The following HTR2C variants were observed in gnomAD, a reference collection of about 807,000 sequenced individuals.
HTR2C encodes the protein 5-hydroxytryptamine (serotonin) receptor 2C, G protein-coupled.
In HTR2C, 5 loss-of-function variants were observed where a neutral mutation model predicts 21.0. The ratio of observed to expected loss-of-function variants is 0.24; its 90% CI spans 0.12 to 0.50. HTR2C has a LOEUF of 0.50. Ranked by LOEUF, HTR2C falls within the 20% of genes least tolerant of loss-of-function variation. HTR2C has a pLI of 0.98. For synonymous variants in HTR2C, 150 were observed against 145.3 expected (o/e 1.03, Z -0.23); for missense variants, 271 against 371.2 (o/e 0.73, Z 2.22).
chrX:114,777,748 G>C (rs183357248), intron 4 of HTR2C, among the ~76,000 whole-genome samples: 132 of 110,981 alleles, frequency 1.2e-3, no homozygotes, highest in African/African-American at 4.1e-3. Flanking sequence ...AGTAGAGACA[G>C]GGTTTCCCTG....
At chrX:114,815,601 T>G (rs1424619337) in intron 4 of HTR2C, among the ~76,000 whole-genome samples, 1 of 111,680 alleles carries the variant, frequency 9.0e-6, no homozygotes. Context: ...AATATCTTGA[T>G]GACCTCCAAC....
At chrX:114,704,918 C>T (rs1386145894) in intron 2 of HTR2C, among the ~76,000 whole-genome samples, 2 of 107,156 alleles carry the variant, frequency 1.9e-5, no homozygotes, top group Non-Finnish European at 3.9e-5. Context: ...CAATAACAGA[C>T]AAACGGAGAG....
At chrX:114,774,798 G>A (rs2070040082) in intron 4 of HTR2C, 3 of 398,565 alleles carry the variant, frequency 7.5e-6, no homozygotes, top group Non-Finnish European at 9.0e-6. Context: ...TAAATGTGTG[G>A]AACAATGCTA....
At chrX:114,736,100 G>A (rs1398784242) in intron 4 of HTR2C, among the ~76,000 whole-genome samples, 1 of 108,063 alleles carries the variant, frequency 9.3e-6, no homozygotes, top group Non-Finnish European at 1.9e-5. Flanking sequence ...GCGGCAGAGC[G>A]AGACTCTATT....
chrX:114,730,985 C>T (rs1338779638), intron 3 of HTR2C, among the ~76,000 whole-genome samples: 1 of 111,248 alleles, frequency 9.0e-6, no homozygotes, highest in African/African-American at 3.3e-5. Flanking sequence ...TTCTCATCTA[C>T]GTGATGGATA....
chrX:114,746,262 C>A (rs1488928023), intron 4 of HTR2C, among the ~76,000 whole-genome samples: 1 of 111,639 alleles, frequency 9.0e-6, no homozygotes, highest in East Asian at 2.8e-4. Flanking sequence ...ACATTTATAT[C>A]ATGTTATGAG....
intron 2 of HTR2C, among the ~76,000 whole-genome samples, chrX:114,662,589 A>G (rs972840807): frequency 8.9e-6 from 1 of 111,962 alleles, no homozygotes; most frequent in African/African-American, 3.2e-5. Flanking sequence ...CAAGGGTTTT[A>G]CAATACAATG....
At chrX:114,611,444 C>A (rs1928729010) in intron 1 of HTR2C, among the ~76,000 whole-genome samples, 1 of 112,212 alleles carries the variant, frequency 8.9e-6, no homozygotes, top group South Asian at 3.6e-4. Flanking sequence ...CTCATCATTG[C>A]TCCAAGATTG....
intron 2 of HTR2C, among the ~76,000 whole-genome samples, chrX:114,699,497 G>C (rs1556416347): frequency 8.9e-6 from 1 of 111,900 alleles, no homozygotes; most frequent in African/African-American, 3.3e-5. Context: ...CTAATACCAT[G>C]TCACCAGCAC....
At chrX:114,682,097 G>T (rs1198828561) in intron 2 of HTR2C, among the ~76,000 whole-genome samples, 1 of 111,086 alleles carries the variant, frequency 9.0e-6, no homozygotes, top group African/African-American at 3.3e-5. Context: ...TATTTAAAAT[G>T]TATACATGCC....
intron 2 of HTR2C, among the ~76,000 whole-genome samples, chrX:114,633,786 T>C (rs1929724323): frequency 9.1e-6 from 1 of 109,926 alleles, no homozygotes; most frequent in African/African-American, 3.3e-5. Context: ...TATATATATA[T>C]ACACATATAT....
intron 2 of HTR2C, among the ~76,000 whole-genome samples, chrX:114,683,968 A>G (rs1931832850): frequency 8.9e-6 from 1 of 111,954 alleles, no homozygotes; most frequent in South Asian, 3.7e-4. Flanking sequence ...TATTCTCTGT[A>G]CAAGTTCATA....
intron 3 of HTR2C, among the ~76,000 whole-genome samples, chrX:114,727,602 G>C (rs1314895229): frequency 8.9e-6 from 1 of 111,862 alleles, no homozygotes; most frequent in Non-Finnish European, 1.9e-5. Context: ...CCTGCTTTTT[G>C]AGGAACGAAG....
intron 4 of HTR2C, among the ~76,000 whole-genome samples, chrX:114,789,205 A>G (rs2070207424): frequency 8.9e-6 from 1 of 112,165 alleles, no homozygotes; most frequent in Admixed American, 9.5e-5. Context: ...CAGTTTAATT[A>G]CCCTTTTGTG....
At chrX:114,680,511 G>A (rs1463576649) in intron 2 of HTR2C, among the ~76,000 whole-genome samples, 1 of 111,760 alleles carries the variant, frequency 8.9e-6, no homozygotes, top group African/African-American at 3.3e-5. Context: ...AATGTGACAA[G>A]GCAAAAGTTC....
intron 5 of HTR2C, among the ~76,000 whole-genome samples, chrX:114,850,296 C>A (rs1036588653): frequency 9.1e-6 from 1 of 110,347 alleles, no homozygotes; most frequent in Admixed American, 9.8e-5. Context: ...GTAATCCCAG[C>A]TACTTGGGAG....
At chrX:114,600,008 A>ATTTCTT (rs1556393900) in intron 1 of HTR2C, among the ~76,000 whole-genome samples, 2 of 112,028 alleles carry the variant, frequency 1.8e-5, no homozygotes, top group Non-Finnish European at 3.8e-5. Context: ...TCCAAGAAAG[A>ATTTCTT]AATCACGGAC....
chrX:114,588,801 A>C (rs1556390356), intron 1 of HTR2C, among the ~76,000 whole-genome samples: 1 of 112,022 alleles, frequency 8.9e-6, no homozygotes, highest in African/African-American at 3.2e-5. Flanking sequence ...AGACTTGCCC[A>C]AATTAGCAAG....
At chrX:114,892,919 T>C (rs1359478457) in intron 5 of HTR2C, among the ~76,000 whole-genome samples, 2 of 105,494 alleles carry the variant, frequency 1.9e-5, no homozygotes, top group Admixed American at 2.2e-4. Flanking sequence ...TTTTTATTTT[T>C]ATTTTTTTTT....
Sources: allele counts gnomAD v4.1 joint callset (sites outside exome capture counted in the v4.1 genomes callset), GRCh38; gene constraint gnomAD v4.1.1; transcripts MANE v1.5; gene names NCBI Gene and HGNC (gene_info 2026-07-23, HGNC 2026-07-21).